AQP9: variants seen among roughly 807,000 people sequenced by gnomAD.
AQP9 encodes the protein aquaporin 9.
AQP9 carries 19 observed loss-of-function variants against 23.8 expected under a neutral mutation model. That is an observed-to-expected ratio of 0.80 (90% CI 0.56 to 1.17). The LOEUF (loss-of-function observed/expected upper bound fraction) is 1.17, where lower values mean the gene tolerates loss of function less well. Ranked by LOEUF, AQP9 falls within the 50% of genes most tolerant of loss-of-function variation. AQP9 has a pLI of 0.00. For synonymous variants in AQP9, 153 were observed against 131.5 expected (o/e 1.16, Z -1.12); for missense variants, 413 against 362.0 (o/e 1.14, Z -1.14).
In AQP9 at chr15:58,184,254, T is replaced by C; in HGVS notation, c.*119T>C. On this transcript the variant is annotated 3_prime_UTR_variant, in exon 6 of 6. Transcript: ENST00000219919. Reference sequence around the variant, plus strand: ...TCCACCCAGTTTTGTCTGCTAGCCATATGGGACATCTAATTGGAAAAGCAT... The same window carrying C: ...TCCACCCAGTTTTGTCTGCTAGCCACATGGGACATCTAATTGGAAAAGCAT... 1 of 1,030,470 alleles carries C rather than the reference T, an allele frequency of 9.7e-7. No individual in the cohort carries two copies. Among genetic ancestry groups the C allele is most frequent in the South Asian group, 1.6e-5 (1 of 60,930 alleles). 63.8% of individuals were successfully genotyped at this position (1,030,470 alleles called of 1,614,324 possible).
In AQP9 at chr15:58,173,201, C is replaced by T; in HGVS notation, c.372C>T (p.Tyr124=). ...GGGCTGCAACCGTCTTTGGCATTTA[C>T]TATGGTGAGTAAAGTCCCTGAGTCC... ...FVGAATVFGI[Y]YDGLMSFAGG... The change falls in exon 3 of 6, where the codon TAC becomes TAT. Residue 124 remains tyrosine (Y), a synonymous_variant. Transcript: ENST00000219919. 6.2e-7 allele frequency: 1 copy of T among 1,614,060 alleles called. No homozygotes were observed. The highest frequency in any genetic ancestry group is 8.5e-7 in the Non-Finnish European group (1 of 1,180,010).
chr15:58,181,948 A>G (rs1898896810), intron 5 of AQP9, among the ~76,000 whole-genome samples: 1 of 152,074 alleles, frequency 6.6e-6, no homozygotes, highest in Admixed American at 6.5e-5. Context: ...TATTCAAGGG[A>G]AATCCCTCAG....
chr15:58,158,786 G>A (rs923598951), intron 1 of AQP9, among the ~76,000 whole-genome samples: 15 of 151,864 alleles, frequency 9.9e-5, no homozygotes, highest in African/African-American at 3.4e-4. Flanking sequence ...TTCCATTTTT[G>A]GACAATGTTT....
intron 2 of AQP9, among the ~76,000 whole-genome samples, chr15:58,171,568 G>A (rs1042557793): frequency 2.3e-4 from 35 of 152,216 alleles, no homozygotes; most frequent in African/African-American, 8.4e-4. Context: ...TGGCTTTCCT[G>A]GATTTGAAAG....
chr15:58,163,430 G>T (rs561406516), intron 1 of AQP9, among the ~76,000 whole-genome samples: 11 of 73,328 alleles, frequency 1.5e-4, no homozygotes, highest in Non-Finnish European at 2.1e-4. Context: ...TACAGACCAT[G>T]ATACATTAAA....
chr15:58,168,308 G>C (rs145851219), intron 2 of AQP9, among the ~76,000 whole-genome samples: 1 of 152,030 alleles, frequency 6.6e-6, no homozygotes, highest in Admixed American at 6.5e-5. Context: ...TAGGATTACA[G>C]GCATGAGCCA....
chr15:58,144,602 C>T (rs1262427760), intron 1 of AQP9, among the ~76,000 whole-genome samples: 5 of 152,002 alleles, frequency 3.3e-5, no homozygotes, highest in Non-Finnish European at 7.4e-5. Flanking sequence ...CAAAATTTTC[C>T]CTTTTTTTCT....
In AQP9 at chr15:58,179,327, G is replaced by T. The variant is rs1294548747; in HGVS notation, c.695G>T (p.Trp232Leu). Reference protein sequence around the residue: ...SPRLFTALAGWGFEVFRAGNN... With the variant: ...SPRLFTALAGLGFEVFRAGNN... ...AGACTTTTCACTGCCTTGGCAGGCT[G>T]GGGGTTTGAAGTCTTCAGGTAAGTA... Residue 232 changes from tryptophan to leucine, a missense_variant, in exon 5 of 6, where the codon TGG becomes TTG. Coordinates refer to ENST00000219919, the MANE Select transcript of AQP9 (RefSeq NM_020980.5). 4 of 1,612,942 alleles carry T rather than the reference G, an allele frequency of 2.5e-6. No individual in the cohort carries two copies. Among genetic ancestry groups the T allele is most frequent in the East Asian group, 2.2e-5 (1 of 44,830 alleles).
intron 1 of AQP9, among the ~76,000 whole-genome samples, chr15:58,166,359 T>A (rs1042593241): frequency 6.6e-6 from 1 of 152,208 alleles, no homozygotes; most frequent in Non-Finnish European, 1.5e-5. Flanking sequence ...TCTATAATTA[T>A]CTCAAAATAA....
chr15:58,171,339 A>G (rs1310172208), intron 2 of AQP9, among the ~76,000 whole-genome samples: 1 of 151,948 alleles, frequency 6.6e-6, no homozygotes, highest in African/African-American at 2.4e-5. Context: ...CACCCAACTC[A>G]GCCTCCCAAA....
rs147206102 is a variant in AQP9 at position 58,166,719 on chromosome 15, G to A, written c.158G>A (p.Arg53His). The change falls in exon 2 of 6, where the codon CGT (arginine) becomes CAT (histidine). Residue 53 changes from arginine (R) to histidine (H), a missense_variant. Physicochemically the swap from Arg to His is conservative, Grantham distance 29. Transcript: ENST00000219919. The part of the protein sequence containing the change: ...CVAQAILSRG[R>H]FGGVITINVG... ...GCCCAAGCTATTCTCAGTCGAGGAC[G>A]TTTTGGAGGGGTCATCACTATCAAT... 145 of 1,613,770 alleles carry A rather than the reference G, an allele frequency of 9.0e-5. No individual in the cohort carries two copies. The highest frequency in any genetic ancestry group is 2.8e-4 in the Admixed American group (17 of 59,972).
intron 5 of AQP9, among the ~76,000 whole-genome samples, chr15:58,182,406 G>A (rs1396382576): frequency 1.3e-5 from 2 of 152,156 alleles, no homozygotes; most frequent in Non-Finnish European, 2.9e-5. Context: ...TTTGTGACTT[G>A]TGAACCTGAT....
At position 58,166,911 on chromosome 15, in the gene AQP9, G is replaced by C. The variant is rs771469365; in HGVS notation, c.238+112G>C. 1.1e-5 allele frequency: 15 copies of C among 1,378,780 alleles called. No homozygotes were observed. The Admixed American group carries it at 2.8e-4, about 25-fold the overall frequency. The allele number at this position is 1,378,780 out of a possible 1,614,324, so 85.4% of individuals were successfully genotyped here. ...TACTTATATCTCAAAAATCCTGCAA[G>C]AGTGTGTATTGGATCCCATTTTTAT... On this transcript the variant is annotated intron_variant, in intron 2 of 5. Coordinates refer to ENST00000219919, the MANE Select transcript of AQP9 (RefSeq NM_020980.5).
intron 5 of AQP9, among the ~76,000 whole-genome samples, chr15:58,179,553 CAG>C (rs1276016204): frequency 3.9e-4 from 57 of 146,098 alleles, no homozygotes; most frequent in African/African-American, 1.5e-3. Context: ...GAGAGAGAGA[CAG>C]AGAAAGAGAG....
chr15:58,180,370 G>A (rs1566991601), intron 5 of AQP9, among the ~76,000 whole-genome samples: 1 of 152,200 alleles, frequency 6.6e-6, no homozygotes, highest in Non-Finnish European at 1.5e-5. Flanking sequence ...TCACCAGGGT[G>A]AAAAATAAGT....
rs1898995203 is a variant in AQP9 at position 58,185,169 on chromosome 15, G to A, written c.*1034G>A. The A allele has an allele frequency of 6.6e-6, 1 of 152,398 alleles. No homozygotes were observed. Among genetic ancestry groups the A allele is most frequent in the African/African-American group, 2.4e-5 (1 of 41,450 alleles). 9.4% of individuals were successfully genotyped at this position (152,398 alleles called of 1,614,324 possible). A position where few individuals can be genotyped will look rare whatever the true frequency, so the allele number is the denominator to read the frequency against. ...TTTAATCCTCATAATGACTATGTGA[G>A]GCAAATGCCACATTGCCCATTTTTC... is the stretch of plus-strand genomic sequence containing the variant. On this transcript the variant is annotated 3_prime_UTR_variant, in exon 6 of 6. Coordinates refer to ENST00000219919, the MANE Select transcript of AQP9 (RefSeq NM_020980.5).
At chr15:58,176,995 A>C (rs3784252) in intron 4 of AQP9, among the ~76,000 whole-genome samples, 1 of 151,988 alleles carries the variant, frequency 6.6e-6, no homozygotes, top group African/African-American at 2.4e-5. Context: ...ATTGTGTATA[A>C]AGTCAAGTAG....
rs1898517356 is a variant in AQP9 at position 58,166,784 on chromosome 15, G to A, written c.223G>A (p.Ala75Thr). The stretch of plus-strand genomic sequence containing the variant: ...GGCAGTTGCAATGGCCATTTATGTG[G>A]CTGGCGGTGTCTCTGGTAAGCAGTA... ...SMAVAMAIYV[A>T]GGVSGGHINP... The change falls in exon 2 of 6, where the codon GCT becomes ACT. Residue 75 changes from alanine to threonine, a missense_variant. Coordinates refer to ENST00000219919, the MANE Select transcript of AQP9 (RefSeq NM_020980.5). The A allele has an allele frequency of 3.1e-6, 5 of 1,613,890 alleles. No individual in the cohort carries two copies. The East Asian group carries it at 8.9e-5, about 29-fold the overall frequency.
intron 2 of AQP9, among the ~76,000 whole-genome samples, chr15:58,172,696 TG>T (rs1434124220): frequency 2.6e-5 from 4 of 152,214 alleles, no homozygotes; most frequent in African/African-American, 9.7e-5. Context: ...ATAAGCATAT[TG>T]ACTTTTAAAA....
Sources: gnomAD v4.1 joint callset for allele counts (sites outside exome capture counted in the v4.1 genomes callset) on GRCh38, gnomAD v4.1.1 for gene constraint, MANE v1.5 for transcripts, NCBI Gene and HGNC (gene_info 2026-07-23, HGNC 2026-07-21) for gene names.